The following OR9Q1 variants were observed in gnomAD, a reference collection of about 807,000 sequenced individuals.
The protein encoded by OR9Q1 is olfactory receptor 9Q1.
For missense variants in OR9Q1, 374 were observed against 378.8 expected (o/e 0.99, Z 0.11); for synonymous variants, 153 against 148.6 (o/e 1.03, Z -0.22).
At position 58,179,450 on chromosome 11, in the gene OR9Q1, A is replaced by T; in HGVS notation, c.6A>T (p.Ala2=). 1 of 1,556,284 alleles carries T rather than the reference A, an allele frequency of 6.4e-7. No individual in the cohort carries two copies. Among genetic ancestry groups the T allele is most frequent in the Non-Finnish European group, 8.7e-7 (1 of 1,149,446 alleles). The stretch of plus-strand genomic sequence containing the variant: ...TCTCAGGGACCACTGGTGTCATGGC[A>T]GAGATGAACCTCACCTTGGTGACCG... M[A]EMNLTLVTEF... The change falls in exon 3 of 3, where the codon GCA becomes GCT. Residue 2 remains alanine (A), a synonymous_variant. Transcript: ENST00000335397.
intron 2 of OR9Q1, among the ~76,000 whole-genome samples, chr11:58,141,737 A>T (rs1565088364): frequency 1.3e-5 from 2 of 152,180 alleles, no homozygotes; most frequent in African/African-American, 2.4e-5. Context: ...AAGGTCACAC[A>T]AATAGAAATG....
At chr11:58,077,080 G>A (rs981664214) in intron 2 of OR9Q1, among the ~76,000 whole-genome samples, 3 of 152,184 alleles carry the variant, frequency 2.0e-5, no homozygotes, top group Non-Finnish European at 4.4e-5. Flanking sequence ...GTGGAGTAGG[G>A]TGGACAAGAT....
intron 1 of OR9Q1, among the ~76,000 whole-genome samples, chr11:58,036,787 C>G (rs1442944918): frequency 6.6e-6 from 1 of 152,136 alleles, no homozygotes; most frequent in Non-Finnish European, 1.5e-5. Flanking sequence ...AATCTCATGA[C>G]AAAACGAATG....
intron 2 of OR9Q1, among the ~76,000 whole-genome samples, chr11:58,067,917 A>C (rs1853444945): frequency 6.6e-6 from 1 of 152,206 alleles, no homozygotes; most frequent in Non-Finnish European, 1.5e-5. Flanking sequence ...GCATTGATGC[A>C]GCTGGGCTGC....
intron 1 of OR9Q1, among the ~76,000 whole-genome samples, chr11:58,053,535 A>C (rs946894747): frequency 6.9e-6 from 1 of 144,546 alleles, no homozygotes; most frequent in Non-Finnish European, 1.5e-5. Context: ...CCAGCATGGC[A>C]CATGTATACA....
chr11:58,048,494 TA>T (rs1853242370), intron 1 of OR9Q1, among the ~76,000 whole-genome samples: 1 of 45,176 alleles, frequency 2.2e-5, no homozygotes, highest in Non-Finnish European at 4.3e-5. Context: ...CTACTAAAAA[TA>T]CAAAAAAAAA....
At chr11:58,115,159 A>T (rs1276702742) in intron 2 of OR9Q1, among the ~76,000 whole-genome samples, 1 of 152,198 alleles carries the variant, frequency 6.6e-6, no homozygotes. Flanking sequence ...TAGCTAAGAG[A>T]GTAGTTTTAA....
At chr11:58,026,189 C>T (rs1453875441) in intron 1 of OR9Q1, among the ~76,000 whole-genome samples, 1 of 152,162 alleles carries the variant, frequency 6.6e-6, no homozygotes, top group Admixed American at 6.5e-5. Context: ...GGTACCATGC[C>T]TAGAACTCAG....
intron 2 of OR9Q1, among the ~76,000 whole-genome samples, chr11:58,097,330 G>A (rs1342144527): frequency 2.6e-5 from 4 of 152,110 alleles, no homozygotes; most frequent in African/African-American, 9.7e-5. Context: ...ATGAGTATGT[G>A]CATTCATTTC....
chr11:58,056,386 C>T (rs1430341378), intron 2 of OR9Q1, among the ~76,000 whole-genome samples: 1 of 152,114 alleles, frequency 6.6e-6, no homozygotes, highest in African/African-American at 2.4e-5. Flanking sequence ...TTCTAGTCCA[C>T]AGGTAGGCAA....
At chr11:58,130,157 G>T (rs577685635) in intron 2 of OR9Q1, among the ~76,000 whole-genome samples, 1 of 152,028 alleles carries the variant, frequency 6.6e-6, no homozygotes, top group Non-Finnish European at 1.5e-5. Context: ...ATAAATATTT[G>T]TTAAACAATG....
intron 2 of OR9Q1, among the ~76,000 whole-genome samples, chr11:58,069,879 A>AAAAAC (rs1853469663): frequency 6.6e-6 from 1 of 151,368 alleles, no homozygotes; most frequent in Non-Finnish European, 1.5e-5. Context: ...CAAACAACAA[A>AAAAAC]AAACCAAACC....
At chr11:58,092,219 A>T (rs1477590047) in intron 2 of OR9Q1, among the ~76,000 whole-genome samples, 1 of 151,962 alleles carries the variant, frequency 6.6e-6, no homozygotes, top group African/African-American at 2.4e-5. Flanking sequence ...CACATTAGTT[A>T]ATGCAGTTTC....
At chr11:58,178,542 T>C (rs566126831) in intron 2 of OR9Q1, among the ~76,000 whole-genome samples, 5 of 152,072 alleles carry the variant, frequency 3.3e-5, no homozygotes, top group African/African-American at 7.2e-5. Flanking sequence ...CAGGTGACAG[T>C]TGGAGAGGAT....
rs544312953 is a variant in OR9Q1 at position 58,118,933 on chromosome 11, T to C, written c.-14-60498T>C. The C allele has an allele frequency of 8.1e-6, 13 of 1,614,006 alleles. No individual in the cohort carries two copies. The South Asian group carries it at 1.1e-4, about 14-fold the overall frequency. On this transcript the variant is annotated intron_variant, in intron 2 of 2. Coordinates refer to ENST00000335397, the MANE Select transcript of OR9Q1 (RefSeq NM_001005212.4). ...ACAGAAGAAGAAGTTTATTTGATTG[T>C]CCTTACAGAAGGAGAGGGTGAAGGT...
chr11:58,090,089 C>A lies in OR9Q1; in HGVS notation c.-15+34142C>A, dbSNP rs543540743. Among the ~76,000 whole-genome samples the A allele has an allele frequency of 2.6e-5, 4 of 152,324 alleles. No individual in the cohort carries two copies. In the South Asian group the frequency reaches 8.3e-4, roughly 32 times the overall value. ...TCTAAATATACAATCATGTCATCTG[C>A]AAACAGAGACAATTCAACTTCCTCT... On this transcript the variant is annotated intron_variant, in intron 2 of 2. Transcript: ENST00000335397.
chr11:58,112,296 GAA>G (rs924746837), intron 2 of OR9Q1, among the ~76,000 whole-genome samples: 2 of 80,168 alleles, frequency 2.5e-5, no homozygotes, highest in Non-Finnish European at 5.8e-5. Flanking sequence ...TCGTCTCAAA[GAA>G]AAAAAAAAAG....
Position 58,180,366 on chromosome 11 carries a change from A to C in OR9Q1, c.922A>C (p.Lys308Gln). Residue 308 changes from lysine to glutamine, a missense_variant, in exon 3 of 3, where the codon AAG (lysine) becomes CAG (glutamine). Physicochemically the swap from Lys to Gln is moderately conservative, Grantham distance 53. Coordinates refer to ENST00000335397, the MANE Select transcript of OR9Q1 (RefSeq NM_001005212.4). ...CCTGAGAAAAATTCTCAATAGAGCC[A>C]AGTTGTCCTAACCATCTCCAAACTT... ...EALRKILNRA[K>Q]LS 1.3e-6 allele frequency: 2 copies of C among 1,582,758 alleles called. No individual in the cohort carries two copies. Among genetic ancestry groups the C allele is most frequent in the Non-Finnish European group, 1.7e-6 (2 of 1,161,878 alleles).
intron 2 of OR9Q1, among the ~76,000 whole-genome samples, chr11:58,092,092 T>A (rs1853689901): frequency 1.3e-5 from 2 of 152,264 alleles, no homozygotes; most frequent in South Asian, 4.1e-4. Flanking sequence ...TCTTGCCTCT[T>A]TATCCAATTT....
Sources: allele counts gnomAD v4.1 joint callset (sites outside exome capture counted in the v4.1 genomes callset), GRCh38; gene constraint gnomAD v4.1.1; transcripts MANE v1.5; gene names NCBI Gene and HGNC (gene_info 2026-07-23, HGNC 2026-07-21).